The following RANBP9 variants were observed in gnomAD, a reference collection of about 807,000 sequenced individuals.
RANBP9 encodes the protein ran-binding protein 9.
RANBP9 carries 15 observed loss-of-function variants against 84.3 expected under a neutral mutation model. The observed-to-expected ratio is 0.18, with a 90% CI of 0.12 to 0.27. The LOEUF (loss-of-function observed/expected upper bound fraction) is 0.27. RANBP9 is among the 10% of genes least tolerant of loss of function. RANBP9 has a pLI of 1.00. For synonymous variants in RANBP9, 392 were observed against 349.6 expected (o/e 1.12, Z -1.35); for missense variants, 809 against 912.8 (o/e 0.89, Z 1.46).
At chr6:13,625,528 A>G (rs753895281) in intron 13 of RANBP9, 125 bp downstream of exon 13, 129 of 554,642 alleles carry the variant, frequency 2.3e-4, no homozygotes, top group Non-Finnish European at 9.1e-5. Flanking sequence ...AGGTATTTTT[A>G]TATTTTAAAA....
chr6:13,644,997 A>T (rs1765149169), intron 5 of RANBP9, among the ~76,000 whole-genome samples: 1 of 152,224 alleles, frequency 6.6e-6, no homozygotes, highest in Non-Finnish European at 1.5e-5. Context: ...GTATTATACC[A>T]CGTGGTATTA....
intron 2 of RANBP9, among the ~76,000 whole-genome samples, chr6:13,669,252 G>A (rs953627270): frequency 2.0e-5 from 3 of 152,270 alleles, no homozygotes; most frequent in Middle Eastern, 3.4e-3. Flanking sequence ...GACTCCCCAT[G>A]CCATATTCAT....
chr6:13,666,998 G>A (rs918115581), intron 2 of RANBP9, among the ~76,000 whole-genome samples: 1 of 152,074 alleles, frequency 6.6e-6, no homozygotes, highest in African/African-American at 2.4e-5. Context: ...ATATATAAAG[G>A]CTATCTGACA....
intron 2 of RANBP9, among the ~76,000 whole-genome samples, chr6:13,693,131 G>T (rs1465896110): frequency 6.6e-6 from 1 of 152,106 alleles, no homozygotes; most frequent in African/African-American, 2.4e-5. Flanking sequence ...CCATAAGAAA[G>T]GTACTCCTAA....
chr6:13,644,533 C>T lies in RANBP9; in HGVS notation c.1112+12G>A, dbSNP rs778176506. 1.2e-6 allele frequency: 2 copies of T among 1,602,722 alleles called. No homozygotes were observed. The highest frequency in any genetic ancestry group is 3.5e-5 in the Admixed American group (2 of 57,712). Reference sequence around the variant, plus strand: ...TTCTGAATAGCATCAATTGAAATTTCTTCACTCTTACTTTTGTATCATGGT... The same window carrying T: ...TTCTGAATAGCATCAATTGAAATTTTTTCACTCTTACTTTTGTATCATGGT... On this transcript the variant is annotated intron_variant, in intron 6 of 13. Transcript: ENST00000011619.
At chr6:13,675,280 T>A (rs1027608848) in intron 2 of RANBP9, among the ~76,000 whole-genome samples, 1 of 152,190 alleles carries the variant, frequency 6.6e-6, no homozygotes, top group African/African-American at 2.4e-5. Flanking sequence ...AAGAAAGACA[T>A]GCCTTAACTA....
chr6:13,638,047 C>T (rs1354626526), intron 9 of RANBP9, 92 bp from the exon 10 acceptor site: 4 of 1,218,726 alleles, frequency 3.3e-6, no homozygotes, highest in Non-Finnish European at 4.4e-6. Flanking sequence ...TGTACTAAGA[C>T]TTCTAGAACG....
At position 13,710,990 on chromosome 6, in the gene RANBP9, C is replaced by T. The variant is rs147555237; in HGVS notation, c.516G>A (p.Lys172=). The T allele has an allele frequency of 4.3e-6, 7 of 1,609,800 alleles. No individual in the cohort carries two copies. Among genetic ancestry groups the T allele is most frequent in the South Asian group, 1.1e-5 (1 of 90,358 alleles). ...ETPLPRSWSP[K]DKFSYIGLSQ... ...AGAGGCCGATGTAGCTGAACTTGTC[C>T]TTCGGGCTCCAGGACCGAGGCAGCG... is the stretch of plus-strand genomic sequence containing the variant. The change falls in exon 1 of 14, where the codon AAG becomes AAA. Residue 172 remains lysine, a synonymous_variant. Transcript: ENST00000011619.
intron 1 of RANBP9, among the ~76,000 whole-genome samples, chr6:13,709,423 C>T (rs1339881035): frequency 6.6e-6 from 1 of 152,174 alleles, no homozygotes; most frequent in African/African-American, 2.4e-5. Flanking sequence ...TACTGTCAAC[C>T]ATAAATTTAA....
At chr6:13,673,398 A>C (rs530937436) in intron 2 of RANBP9, among the ~76,000 whole-genome samples, 1 of 152,372 alleles carries the variant, frequency 6.6e-6, no homozygotes, top group Non-Finnish European at 1.5e-5. Context: ...GAAATGTTAC[A>C]CGTTCTTCAG....
chr6:13,638,065 G>A, intron 9 of RANBP9, 110 bp from the exon 10 acceptor site: 1 of 945,768 alleles, frequency 1.1e-6, no homozygotes. Flanking sequence ...ACGTAGGAGA[G>A]TCAATGGATG....
chr6:13,674,230 C>A (rs925775815), intron 2 of RANBP9, among the ~76,000 whole-genome samples: 2 of 152,004 alleles, frequency 1.3e-5, no homozygotes, highest in African/African-American at 4.8e-5. Context: ...ACAGAACTGA[C>A]AAGAGTGAAC....
intron 4 of RANBP9, among the ~76,000 whole-genome samples, chr6:13,655,862 C>A (rs1423050275): frequency 6.6e-6 from 1 of 152,120 alleles, no homozygotes; most frequent in Non-Finnish European, 1.5e-5. Flanking sequence ...ATTCAAGAGG[C>A]CTGTATTGTT....
At chr6:13,673,821 C>T (rs1765827625) in intron 2 of RANBP9, among the ~76,000 whole-genome samples, 1 of 152,144 alleles carries the variant, frequency 6.6e-6, no homozygotes, top group Non-Finnish European at 1.5e-5. Context: ...AGGCACGTAG[C>T]TCATGCCTGT....
chr6:13,654,505 GT>G (rs1414806586), intron 4 of RANBP9, among the ~76,000 whole-genome samples: 1 of 152,152 alleles, frequency 6.6e-6, no homozygotes, highest in Non-Finnish European at 1.5e-5. Context: ...GATGTATCAA[GT>G]TTTGGGCACA....
intron 1 of RANBP9, among the ~76,000 whole-genome samples, chr6:13,704,265 A>G (rs1329605191): frequency 6.6e-6 from 1 of 152,146 alleles, no homozygotes; most frequent in Non-Finnish European, 1.5e-5. Flanking sequence ...GTCACTTCCC[A>G]TTTAAAATCC....
chr6:13,645,840 A>C (rs1765165851), intron 5 of RANBP9, among the ~76,000 whole-genome samples: 1 of 152,216 alleles, frequency 6.6e-6, no homozygotes, highest in Non-Finnish European at 1.5e-5. Context: ...TTCTGTGTGA[A>C]TATGTTAAAT....
Position 13,710,974 on chromosome 6 carries a change from T to G in RANBP9, c.532A>C (p.Ile178Leu), listed in dbSNP as rs1284562461. The G allele has an allele frequency of 6.2e-7, 1 of 1,610,242 alleles. No homozygotes were observed. The highest frequency in any genetic ancestry group is 1.1e-5 in the South Asian group (1 of 90,406). The change falls in exon 1 of 14, where the codon ATC becomes CTC. Residue 178 changes from isoleucine (I) to leucine (L), a missense_variant. Ile to Leu is a conservative substitution (Grantham distance 5, BLOSUM62 2). Transcript: ENST00000011619. ...CGCAGGTTGTTCTGAGAGAGGCCGA[T>G]GTAGCTGAACTTGTCCTTCGGGCTC... ...SWSPKDKFSYIGLSQNNLRVH... is the reference protein window; with the variant it reads ...SWSPKDKFSYLGLSQNNLRVH...
intron 7 of RANBP9, among the ~76,000 whole-genome samples, chr6:13,641,643 ATCT>A (rs1486211978): frequency 6.6e-6 from 1 of 152,182 alleles, no homozygotes; most frequent in African/African-American, 2.4e-5. Context: ...ATCAAACATA[ATCT>A]TCTGAACAAA....
Sources: gnomAD v4.1 joint callset for allele counts (sites outside exome capture counted in the v4.1 genomes callset) on GRCh38, gnomAD v4.1.1 for gene constraint, MANE v1.5 for transcripts, NCBI Gene and HGNC (gene_info 2026-07-23, HGNC 2026-07-21) for gene names.